The following TTC23 variants were observed in gnomAD, a reference collection of about 807,000 sequenced individuals.
TTC23 encodes the protein tetratricopeptide repeat protein 23.
Under a neutral mutation model 55.1 loss-of-function variants are expected in TTC23, and 58 were observed. The ratio of observed to expected loss-of-function variants is 1.05; its 90% CI spans 0.85 to 1.31. The LOEUF (loss-of-function observed/expected upper bound fraction) is 1.31, where lower values mean the gene tolerates loss of function less well. Among genes scored for constraint, TTC23 ranks in the 50% most tolerant of loss-of-function variants. TTC23 has a pLI of 0.00. For missense variants in TTC23, 516 were observed against 534.4 expected (o/e 0.97, Z 0.34); for synonymous variants, 203 against 199.9 (o/e 1.02, Z -0.13).
intron 8 of TTC23, among the ~76,000 whole-genome samples, chr15:99,211,949 C>T (rs1244321690): frequency 6.6e-6 from 1 of 152,188 alleles, no homozygotes; most frequent in Non-Finnish European, 1.5e-5. Context: ...CCCATCTCAG[C>T]CTCCCAGTGT....
chr15:99,204,082 T>C (rs949724939), intron 8 of TTC23, among the ~76,000 whole-genome samples: 3 of 152,196 alleles, frequency 2.0e-5, no homozygotes, highest in Admixed American at 6.5e-5. Flanking sequence ...CTATTCTCCA[T>C]AGTGGCTGTA....
At chr15:99,220,888 C>T (rs1277417131) in intron 6 of TTC23, among the ~76,000 whole-genome samples, 12 of 152,166 alleles carry the variant, frequency 7.9e-5, no homozygotes, top group Non-Finnish European at 1.6e-4. Context: ...GCCTCCCCTG[C>T]ACGCATTCTC....
At chr15:99,163,050 T>C (rs1249816088) in intron 10 of TTC23, among the ~76,000 whole-genome samples, 1 of 151,938 alleles carries the variant, frequency 6.6e-6, no homozygotes, top group Non-Finnish European at 1.5e-5. Context: ...ACCACTGTAT[T>C]CCAGCCTGGG....
chr15:99,211,236 G>A (rs1022589454), intron 8 of TTC23, among the ~76,000 whole-genome samples: 5 of 152,088 alleles, frequency 3.3e-5, no homozygotes, highest in Admixed American at 1.3e-4. Flanking sequence ...TTAGCTGGGC[G>A]TGGTGGCACA....
At chr15:99,153,024 C>G (rs1384873052) in intron 12 of TTC23, among the ~76,000 whole-genome samples, 3 of 152,178 alleles carry the variant, frequency 2.0e-5, no homozygotes, top group Non-Finnish European at 4.4e-5. Context: ...GTCTCGAACT[C>G]CTGGTCTCAA....
intron 8 of TTC23, among the ~76,000 whole-genome samples, chr15:99,203,285 C>T (rs142018812): frequency 6.6e-6 from 1 of 151,996 alleles, no homozygotes; most frequent in Admixed American, 6.6e-5. Context: ...GTACCATGTA[C>T]ACCAAAGCTC....
Position 99,190,187 on chromosome 15 carries a change from A to T in TTC23, c.759+9732T>A, listed in dbSNP as rs554540516. On this transcript the variant is annotated intron_variant, in intron 9 of 13. Transcript: ENST00000394132. ...AAAGCAAGACCTGTCTAAAAAAAGAAAGAAAGAAAGAAAGAAAGAAAATTC... is the reference window on the plus strand; with the variant it reads ...AAAGCAAGACCTGTCTAAAAAAAGATAGAAAGAAAGAAAGAAAGAAAATTC... 3.0e-3 allele frequency among the ~76,000 whole-genome samples: 448 copies of T among 151,782 alleles called. 3 individuals are homozygous for T. Among genetic ancestry groups the T allele is most frequent in the African/African-American group, 0.01 (433 of 41,350 alleles).
intron 9 of TTC23, among the ~76,000 whole-genome samples, chr15:99,191,511 A>T (rs2075249997): frequency 6.6e-6 from 1 of 152,192 alleles, no homozygotes; most frequent in South Asian, 2.1e-4. Context: ...AATAAGTCTC[A>T]CAAGACTTGA....
At chr15:99,226,173 C>T (rs1016048516) in intron 5 of TTC23, among the ~76,000 whole-genome samples, 3 of 152,150 alleles carry the variant, frequency 2.0e-5, no homozygotes, top group Non-Finnish European at 4.4e-5. Context: ...ACAGACTGAA[C>T]CATGGGTCTG....
intron 12 of TTC23, among the ~76,000 whole-genome samples, chr15:99,148,201 A>G (rs1174475243): frequency 6.6e-6 from 1 of 151,512 alleles, no homozygotes; most frequent in Non-Finnish European, 1.5e-5. Context: ...TCTCAACTAA[A>G]AATACACAAG....
intron 3 of TTC23, among the ~76,000 whole-genome samples, chr15:99,241,005 A>G (rs1426264350): frequency 6.6e-6 from 1 of 152,172 alleles, no homozygotes; most frequent in Non-Finnish European, 1.5e-5. Flanking sequence ...ATCACACAGT[A>G]ACATCCTCAA....
At chr15:99,230,319 A>C (rs1223961387) in intron 4 of TTC23, among the ~76,000 whole-genome samples, 1 of 152,160 alleles carries the variant, frequency 6.6e-6, no homozygotes, top group Non-Finnish European at 1.5e-5. Flanking sequence ...CATAGCAATA[A>C]AAATTATCAA....
chr15:99,188,667 T>C (rs994140033), intron 9 of TTC23, among the ~76,000 whole-genome samples: 2 of 152,028 alleles, frequency 1.3e-5, no homozygotes, highest in African/African-American at 4.8e-5. Context: ...AAAAAGACAA[T>C]TGACAAAAAA....
chr15:99,242,004 G>A lies in TTC23; in HGVS notation c.-308-445C>T, dbSNP rs534384105. Reference sequence around the variant, plus strand: ...GCAAAAATTAGCCGAGTGTGGTGGCGCTCGGCTTCTCCAGCTACTTGGGAG... The same window carrying A: ...GCAAAAATTAGCCGAGTGTGGTGGCACTCGGCTTCTCCAGCTACTTGGGAG... On this transcript the variant is annotated intron_variant, in intron 2 of 13. Coordinates refer to ENST00000394132, the MANE Select transcript of TTC23 (RefSeq NM_001288615.3). 2.6e-5 allele frequency among the ~76,000 whole-genome samples: 4 copies of A among 152,072 alleles called. No homozygotes were observed. The East Asian group carries it at 5.8e-4, about 22-fold the overall frequency.
chr15:99,154,644 C>A (rs989500466), intron 12 of TTC23, among the ~76,000 whole-genome samples: 1 of 152,262 alleles, frequency 6.6e-6, no homozygotes, highest in South Asian at 2.1e-4. Context: ...ATTACCTAAT[C>A]TCCGGTAGTG....
chr15:99,216,869 C>G (rs79234225), intron 8 of TTC23, among the ~76,000 whole-genome samples: 2 of 152,156 alleles, frequency 1.3e-5, no homozygotes, highest in African/African-American at 4.8e-5. Context: ...AAAAGCAATA[C>G]CACCCTTGGG....
rs1441524340 is a variant in TTC23, at chr15:99,144,635, G to T, written c.1144-5236C>A. On this transcript the variant is annotated intron_variant, in intron 12 of 13. Transcript: ENST00000394132. ...GTGCAGCAAGGACTGCAACTAGAGG[G>T]TCATTTAAGTTACAAGGCTACGTGA... 4 of 152,152 alleles carry T rather than the reference G, an allele frequency of 2.6e-5. No homozygotes were observed. In the East Asian group the frequency reaches 7.7e-4, roughly 29 times the overall value. 9.4% of individuals were successfully genotyped at this position (152,152 alleles called of 1,614,324 possible). A position where few individuals can be genotyped will look rare whatever the true frequency, so the allele number is the denominator to read the frequency against.
chr15:99,187,452 CAA>C (rs66568931), intron 9 of TTC23, among the ~76,000 whole-genome samples: 2 of 44,496 alleles, frequency 4.5e-5, no homozygotes, highest in Non-Finnish European at 8.0e-5. Flanking sequence ...AAAGCACAAG[CAA>C]AAAAAAAAAA....
At chr15:99,181,367 G>T (rs569078287) in intron 9 of TTC23, among the ~76,000 whole-genome samples, 32 of 152,322 alleles carry the variant, frequency 2.1e-4, no homozygotes, top group African/African-American at 7.2e-4. Flanking sequence ...TGAGCAGCTA[G>T]CTTCTAAACA....
Sources: allele counts gnomAD v4.1 joint callset (sites outside exome capture counted in the v4.1 genomes callset), GRCh38; gene constraint gnomAD v4.1.1; transcripts MANE v1.5; gene names NCBI Gene and HGNC (gene_info 2026-07-23, HGNC 2026-07-21).